GNA11: variants seen among roughly 807,000 people sequenced by gnomAD.
GNA11 encodes the protein guanine nucleotide-binding protein subunit alpha-11.
In GNA11, 8 loss-of-function variants were observed where a neutral mutation model predicts 38.2. The ratio of observed to expected loss-of-function variants is 0.21; its 90% confidence interval spans 0.12 to 0.38. GNA11 has a LOEUF of 0.38. Among genes scored for constraint, GNA11 ranks in the 10% least tolerant of loss-of-function variants. The probability of loss-of-function intolerance (pLI) is 1.00; values close to 1 mark genes in which losing one functional copy is unlikely to be tolerated. For synonymous variants in GNA11, 211 were observed against 221.4 expected, an observed-to-expected ratio of 0.95 and a Z score of 0.42; for missense variants, 268 against 516.3, an observed-to-expected ratio of 0.52 and a Z score of 4.66.
intron 4 of GNA11, among the ~76,000 whole-genome samples, chr19:3,115,727 TCATGGGGACCGAGGCTGTGAG>T: frequency 8.6e-6 from 1 of 115,856 alleles, no homozygotes; most frequent in Non-Finnish European, 1.8e-5. Flanking sequence ...GGGAGGGGGC[TCATGGGGACCGAGGCTGTGAG>T]GGGAGGAGGG....
At position 3,094,840 on chromosome 19, in the gene GNA11, G is replaced by A. The variant is rs1485659604; in HGVS notation, c.136+53G>A. The A allele has an allele frequency of 2.2e-6, 3 of 1,360,314 alleles. No individual in the cohort carries two copies. The highest frequency in any genetic ancestry group is 5.9e-5 in the East Asian group (2 of 34,054). The allele number at this position is 1,360,314 out of a possible 1,614,324, so 84.3% of individuals were successfully genotyped here. A position where few individuals can be genotyped will look rare whatever the true frequency, so the allele number is the denominator to read the frequency against. On this transcript the variant is annotated intron_variant, in intron 1 of 6. Transcript: ENST00000078429. The surrounding 1 kb of genome is among the most constrained non-coding windows in gnomAD (Gnocchi z 6.0). ...TGCGGGCCCTGCCCTGCCTGTGCCTGCCCTGCCTGTCCGGGTCGGGCCGGG... is the reference window on the plus strand; with the variant it reads ...TGCGGGCCCTGCCCTGCCTGTGCCTACCCTGCCTGTCCGGGTCGGGCCGGG...
At chr19:3,098,408 C>T (rs1369508583) in intron 1 of GNA11, among the ~76,000 whole-genome samples, 3 of 152,248 alleles carry the variant, frequency 2.0e-5, no homozygotes, top group East Asian at 1.9e-4. Context: ...CTGCCTATCA[C>T]GGGCAGCCCT....
At chr19:3,112,970 G>A (rs1405876328) in intron 2 of GNA11, among the ~76,000 whole-genome samples, 1 of 152,210 alleles carries the variant, frequency 6.6e-6, no homozygotes, top group Non-Finnish European at 1.5e-5. Context: ...GTCGTGCTCG[G>A]CGCTGCACTG....
chr19:3,109,990 A>T (rs1340055387), intron 1 of GNA11, among the ~76,000 whole-genome samples, 159 bp from the exon 2 acceptor site: 1 of 151,872 alleles, frequency 6.6e-6, no homozygotes, highest in Non-Finnish European at 1.5e-5. Flanking sequence ...CTTTCCGAGG[A>T]GTCAGGAGGC....
At chr19:3,095,908 C>T (rs1484074337) in intron 1 of GNA11, among the ~76,000 whole-genome samples, 1 of 152,184 alleles carries the variant, frequency 6.6e-6, no homozygotes, top group Non-Finnish European at 1.5e-5. Context: ...GCCAGTCGGG[C>T]CAGCTGTAAA....
rs941191833 is a variant in GNA11, at chr19:3,110,287, G to A, written c.275G>A (p.Arg92Gln). The A allele has an allele frequency of 5.0e-6, 8 of 1,613,876 alleles. No individual in the cohort carries two copies. The highest frequency in any genetic ancestry group is 6.8e-6 in the Non-Finnish European group (8 of 1,179,944). Reference sequence around the variant, plus strand: ...TTCACCGCCATGCAGGCCATGATCCGGGCCATGGAGACGCTCAAGATCCTC... The same window carrying A: ...TTCACCGCCATGCAGGCCATGATCCAGGCCATGGAGACGCTCAAGATCCTC... ...NIFTAMQAMI[R>Q]AMETLKILYK... The change falls in exon 2 of 7, where the codon CGG becomes CAG. Residue 92 changes from arginine to glutamine, a missense_variant. Arg to Gln is a conservative substitution (Grantham distance 43, BLOSUM62 1). This residue lies in a region of GNA11 where 151 missense variants were observed against 254.0 expected (regional missense o/e 0.59). Coordinates refer to ENST00000078429, the MANE Select transcript of GNA11 (RefSeq NM_002067.5). The surrounding 1 kb of genome is among the most constrained non-coding windows in gnomAD (Gnocchi z 5.4).
chr19:3,114,209 G>T (rs1043983077), intron 3 of GNA11, among the ~76,000 whole-genome samples: 4 of 152,112 alleles, frequency 2.6e-5, no homozygotes, highest in African/African-American at 4.8e-5. Flanking sequence ...GGAACAAAAC[G>T]CCAGGGCCTC....
chr19:3,112,734 G>A lies in GNA11; in HGVS notation c.322-596G>A, dbSNP rs148012525. On this transcript the variant is annotated intron_variant, in intron 2 of 6. Coordinates refer to ENST00000078429, the MANE Select transcript of GNA11 (RefSeq NM_002067.5). ...GAGTGCGGCAGCTCGGGGGCCACAC[G>A]CCGTCCTTAGCACCGGGTGTGGTAT... 9.7e-3 allele frequency among the ~76,000 whole-genome samples: 1,484 copies of A among 152,374 alleles called. 21 individuals are homozygous for A. The highest frequency in any genetic ancestry group is 0.088 in the Middle Eastern group (26 of 294).
chr19:3,116,616 C>G (rs1458267286), intron 4 of GNA11, among the ~76,000 whole-genome samples: 1 of 152,240 alleles, frequency 6.6e-6, no homozygotes, highest in East Asian at 1.9e-4. Context: ...GTTATCCTAA[C>G]CAGTGACATC....
At position 3,119,159 on chromosome 19, in the gene GNA11, G is replaced by A. The variant is rs555086739; in HGVS notation, c.736-47G>A. ...CCCCCAGCTGCCCCTTGGGCTGTGT[G>A]CAGTGGGGAGGGCCCCTCTGATTCC... On this transcript the variant is annotated intron_variant, in intron 5 of 6. Transcript: ENST00000078429. This position sits in a 1 kb window ranked among gnomAD's most constrained non-coding sequence, Gnocchi z 4.6. The A allele has an allele frequency of 9.3e-6, 15 of 1,608,126 alleles. No individual in the cohort carries two copies. Among genetic ancestry groups the A allele is most frequent in the Non-Finnish European group, 1.3e-5 (15 of 1,175,668 alleles).
chr19:3,107,096 C>T (rs140863249), intron 1 of GNA11, among the ~76,000 whole-genome samples: 246 of 152,276 alleles, frequency 1.6e-3, no homozygotes, highest in African/African-American at 5.6e-3. Flanking sequence ...ATTAGCCAGG[C>T]GTGGTGGCGC....
At position 3,119,574 on chromosome 19, in the gene GNA11, C is replaced by T. The variant is rs943936733; in HGVS notation, c.889+215C>T. Among the ~76,000 whole-genome samples, 3 of 126,340 alleles carry T rather than the reference C, an allele frequency of 2.4e-5. No individual in the cohort carries two copies. In the South Asian group the frequency reaches 8.6e-4, roughly 36 times the overall value. 82.9% of individuals were successfully genotyped at this position (126,340 alleles called of 152,430 possible). On this transcript the variant is annotated intron_variant, in intron 6 of 6. Coordinates refer to ENST00000078429, the MANE Select transcript of GNA11 (RefSeq NM_002067.5). This position sits in a 1 kb window ranked among gnomAD's most constrained non-coding sequence, Gnocchi z 4.6. The stretch of plus-strand genomic sequence containing the variant: ...TTCTCCGACGCGGGTGTCTCATACC[C>T]GTGGGAGATCTGTTAATGCAGGGAC...
chr19:3,103,936 T>C (rs914431013), intron 1 of GNA11, among the ~76,000 whole-genome samples: 2 of 152,160 alleles, frequency 1.3e-5, no homozygotes, highest in Non-Finnish European at 2.9e-5. Flanking sequence ...CCGCCCACCT[T>C]GGCCTCCCAA....
intron 1 of GNA11, among the ~76,000 whole-genome samples, chr19:3,105,836 C>T (rs530045319): frequency 3.9e-5 from 6 of 152,210 alleles, no homozygotes; most frequent in South Asian, 4.2e-4. Context: ...GTAAAGCTGC[C>T]GTGGTGCTTG....
chr19:3,118,518 C>T (rs1425277975), intron 4 of GNA11: 1 of 194,466 alleles, frequency 5.1e-6, no homozygotes, highest in East Asian at 1.2e-4. Context: ...GCGAGTGACG[C>T]TTGGTGAACA....
intron 1 of GNA11, among the ~76,000 whole-genome samples, chr19:3,095,970 C>T (rs946653956): frequency 3.3e-5 from 5 of 152,144 alleles, no homozygotes; most frequent in African/African-American, 1.2e-4. Context: ...AACAGAAGCT[C>T]TTGCCCTGCC....
chr19:3,101,515 C>T (rs978833829), intron 1 of GNA11, among the ~76,000 whole-genome samples: 7 of 152,010 alleles, frequency 4.6e-5, no homozygotes, highest in Admixed American at 6.6e-5. Flanking sequence ...GAGGGTTGAC[C>T]GGTCAGGCCC....
chr19:3,119,235 C>G lies in GNA11; in HGVS notation c.765C>G (p.Phe255Leu). 6.2e-7 allele frequency: 1 copy of G among 1,613,954 alleles called. No homozygotes were observed. Among genetic ancestry groups the G allele is most frequent in the Non-Finnish European group, 8.5e-7 (1 of 1,179,946 alleles). Reference protein sequence around the residue: ...ENRMEESKALFRTIITYPWFQ... With the variant: ...ENRMEESKALLRTIITYPWFQ... ...GGATGGAGGAGAGCAAAGCCCTGTT[C>G]CGGACCATCATCACCTACCCCTGGT... Residue 255 changes from phenylalanine (F) to leucine (L), a missense_variant, in exon 6 of 7, where the codon TTC becomes TTG. This residue lies in a region of GNA11 where 92 missense variants were observed against 166.7 expected (regional missense o/e 0.55). Transcript: ENST00000078429. This position sits in a 1 kb window ranked among gnomAD's most constrained non-coding sequence, Gnocchi z 4.6.
In GNA11 at chr19:3,121,301, A is replaced by ATT. The variant is rs201102241; in HGVS notation, c.*132_*133dup. 240 of 533,606 alleles carry ATT rather than the reference A, an allele frequency of 4.5e-4. No homozygotes were observed. The highest frequency in any genetic ancestry group is 5.5e-4 in the Non-Finnish European group (166 of 303,564). 33.1% of individuals were successfully genotyped at this position (533,606 alleles called of 1,614,324 possible). ...CCGGGGCCTCTGCCCGCGGGAGGAGATTTTTTTTTTTCATATTTTTAACAA... is the reference window on the plus strand; with the variant it reads ...CCGGGGCCTCTGCCCGCGGGAGGAGATTTTTTTTTTTTTCATATTTTTAACAA... On this transcript the variant is annotated 3_prime_UTR_variant, in exon 7 of 7. Transcript: ENST00000078429.
Sources: gnomAD v4.1 joint callset for allele counts (sites outside exome capture counted in the v4.1 genomes callset) on GRCh38, gnomAD v4.1.1 for gene constraint, gnomAD v4.1.1 regional missense constraint, Gnocchi (gnomAD v3.1) non-coding constraint, MANE v1.5 for transcripts, NCBI Gene and HGNC (gene_info 2026-07-23, HGNC 2026-07-21) for gene names.